Variants in SHISAL2A observed in about 807,000 individuals in gnomAD.
SHISAL2A encodes the protein shisa like 2A.
SHISAL2A carries 18 observed loss-of-function variants against 11.5 expected under a neutral mutation model. The ratio of observed to expected loss-of-function variants is 1.57; its 90% CI spans 1.08 to 2.33. The LOEUF is 2.33. SHISAL2A is among the 30% of genes most tolerant of loss of function. SHISAL2A has a pLI of 0.00. For missense variants in SHISAL2A, 261 were observed against 250.9 expected (o/e 1.04, Z -0.27); for synonymous variants, 94 against 99.6 (o/e 0.94, Z 0.34).
chr1:52,662,949 T>C (rs917797347), intron 4 of SHISAL2A, among the ~76,000 whole-genome samples: 9 of 152,246 alleles, frequency 5.9e-5, no homozygotes, highest in African/African-American at 1.2e-4. Context: ...CACAGAGGGC[T>C]GCTGTCGTGC....
intron 1 of SHISAL2A, among the ~76,000 whole-genome samples, chr1:52,639,011 A>G (rs1691298812): frequency 6.6e-6 from 1 of 152,188 alleles, no homozygotes; most frequent in Non-Finnish European, 1.5e-5. Flanking sequence ...GTCTGTAAAA[A>G]GAAATATTAA....
chr1:52,660,724 TC>T (rs1691891844), downstream of SHISAL2A, among the ~76,000 whole-genome samples: 1 of 152,146 alleles, frequency 6.6e-6, no homozygotes, highest in Non-Finnish European at 1.5e-5. Flanking sequence ...GTTAGAACAT[TC>T]CACTCCCCTT....
intron 2 of SHISAL2A, among the ~76,000 whole-genome samples, chr1:52,649,743 C>G (rs529696185): frequency 2.0e-5 from 3 of 152,108 alleles, no homozygotes; most frequent in Non-Finnish European, 4.4e-5. Context: ...ATTATCAACT[C>G]CCATTTTGCA....
At chr1:52,662,919 C>G (rs1023803193) in intron 4 of SHISAL2A, among the ~76,000 whole-genome samples, 2 of 152,188 alleles carry the variant, frequency 1.3e-5, no homozygotes, top group Non-Finnish European at 2.9e-5. Flanking sequence ...AAGCACAGGG[C>G]AAAATCACTA....
chr1:52,645,301 G>A (rs1691473763), intron 2 of SHISAL2A, among the ~76,000 whole-genome samples: 1 of 152,212 alleles, frequency 6.6e-6, no homozygotes, highest in South Asian at 2.1e-4. Context: ...GCTCCTCTTG[G>A]AGTGAGAAAG....
downstream of SHISAL2A, chr1:52,657,116 G>A: frequency 2.7e-6 from 4 of 1,498,508 alleles, no homozygotes; most frequent in Non-Finnish European, 3.6e-6. Context: ...AAGGACTTTA[G>A]AGCCTAGCAT....
At chr1:52,637,127 T>C (rs560976817) in intron 1 of SHISAL2A, among the ~76,000 whole-genome samples, 1 of 152,252 alleles carries the variant, frequency 6.6e-6, no homozygotes, top group South Asian at 2.1e-4. Flanking sequence ...ATCTCTGGGG[T>C]AACATCCCAT....
chr1:52,656,971 C>A lies in SHISAL2A; in HGVS notation c.504C>A (p.Thr168=). The A allele has an allele frequency of 6.2e-7, 1 of 1,614,194 alleles. No homozygotes were observed. Among genetic ancestry groups the A allele is most frequent in the Non-Finnish European group, 8.5e-7 (1 of 1,180,026 alleles). ...LHHCFMATVT[T]SDIPGSPEEA... is the part of the protein sequence containing the mutation. ...ATTGCTTCATGGCCACAGTGACCACCAGTGACATTCCAGGCAGCCCTGAGG... is the reference window on the plus strand; with the variant it reads ...ATTGCTTCATGGCCACAGTGACCACAAGTGACATTCCAGGCAGCCCTGAGG... Residue 168 remains threonine (T), a synonymous_variant, in exon 3 of 3, where the codon ACC becomes ACA. Transcript: ENST00000517870.
At chr1:52,663,038 A>G (rs1356414485) in intron 4 of SHISAL2A, among the ~76,000 whole-genome samples, 1 of 152,146 alleles carries the variant, frequency 6.6e-6, no homozygotes, top group Non-Finnish European at 1.5e-5. Context: ...CTAAACCTCC[A>G]GCTCCGGGTT....
chr1:52,637,044 G>A (rs954424878), intron 1 of SHISAL2A, among the ~76,000 whole-genome samples: 2 of 152,010 alleles, frequency 1.3e-5, no homozygotes, highest in South Asian at 2.1e-4. Context: ...GGTCCCTTCC[G>A]TTGCCCTGGA....
chr1:52,666,443 TTC>T (rs763945558), intron 4 of SHISAL2A, among the ~76,000 whole-genome samples: 3 of 152,070 alleles, frequency 2.0e-5, no homozygotes, highest in Non-Finnish European at 4.4e-5. Flanking sequence ...CAGAGTGAGA[TTC>T]TGTCTCAAAT....
chr1:52,638,370 G>C (rs775445571), intron 1 of SHISAL2A, among the ~76,000 whole-genome samples: 1 of 145,042 alleles, frequency 6.9e-6, no homozygotes, highest in African/African-American at 2.7e-5. Flanking sequence ...AATTCTCCTA[G>C]ATAACAGCCC....
chr1:52,653,497 A>G (rs991954889), intron 2 of SHISAL2A, among the ~76,000 whole-genome samples: 1 of 151,788 alleles, frequency 6.6e-6, no homozygotes, highest in African/African-American at 2.4e-5. Context: ...GCCGGGCATG[A>G]TGGCATGTGG....
chr1:52,633,479 T>C lies in SHISAL2A; in HGVS notation c.-15T>C, dbSNP rs2149869198. ...CTGGTGGCCCGAGGTGGCGGCGGGCTGGGCGCGGGGCGCGATGAGCGGCGC... is the reference window on the plus strand; with the variant it reads ...CTGGTGGCCCGAGGTGGCGGCGGGCCGGGCGCGGGGCGCGATGAGCGGCGC... On this transcript the variant is annotated 5_prime_UTR_variant, in exon 1 of 3. Transcript: ENST00000517870. The surrounding 1 kb of genome is among the most constrained non-coding windows in gnomAD (Gnocchi z 6.4). The C allele has an allele frequency of 1.4e-6, 2 of 1,478,590 alleles. No homozygotes were observed. The highest frequency in any genetic ancestry group is 1.3e-5 in the South Asian group (1 of 75,090). 91.6% of individuals were successfully genotyped at this position (1,478,590 alleles called of 1,614,324 possible).
intron 2 of SHISAL2A, among the ~76,000 whole-genome samples, chr1:52,649,686 A>C (rs965675813): frequency 8.5e-5 from 13 of 152,210 alleles, no homozygotes; most frequent in African/African-American, 2.9e-4. Flanking sequence ...TAAGGACTTC[A>C]AACACATCAT....
At chr1:52,645,034 AG>A (rs1691466816) in intron 2 of SHISAL2A, among the ~76,000 whole-genome samples, 2 of 150,206 alleles carry the variant, frequency 1.3e-5, no homozygotes, top group African/African-American at 4.9e-5. Context: ...AAAAAAAAAA[AG>A]AAGAAGAAGA....
intron 1 of SHISAL2A, among the ~76,000 whole-genome samples, chr1:52,641,633 G>T (rs760035876): frequency 3.3e-5 from 5 of 152,156 alleles, no homozygotes; most frequent in Non-Finnish European, 5.9e-5. Flanking sequence ...AACCATGGAG[G>T]TTGGGTCAGA....
At chr1:52,637,231 A>G (rs1691256494) in intron 1 of SHISAL2A, among the ~76,000 whole-genome samples, 1 of 152,220 alleles carries the variant, frequency 6.6e-6, no homozygotes, top group Admixed American at 6.5e-5. Context: ...TAAATACCAC[A>G]GACAATTGCA....
chr1:52,634,872 A>C (rs1272221515), intron 1 of SHISAL2A, among the ~76,000 whole-genome samples: 1 of 152,208 alleles, frequency 6.6e-6, no homozygotes, highest in Non-Finnish European at 1.5e-5. Context: ...TTTCTGACTA[A>C]GGCAGTGGTA....
Sources: gnomAD v4.1 joint callset for allele counts (sites outside exome capture counted in the v4.1 genomes callset) on GRCh38, gnomAD v4.1.1 for gene constraint, Gnocchi (gnomAD v3.1) non-coding constraint, MANE v1.5 for transcripts, NCBI Gene and HGNC (gene_info 2026-07-23, HGNC 2026-07-21) for gene names.